Variants in UBR1 observed in about 807,000 individuals in gnomAD.
The protein encoded by UBR1 is ubiquitin protein ligase E3 component n-recognin 1.
A neutral mutation model predicts 242.1 loss-of-function variants in UBR1; 102 were observed. That is an observed-to-expected ratio of 0.42 (90% CI 0.36 to 0.50). UBR1 has a LOEUF of 0.50. Ranked by LOEUF, UBR1 falls within the 20% of genes least tolerant of loss-of-function variation. The probability of loss-of-function intolerance (pLI) is 0.01; values close to 1 mark genes in which losing one functional copy is unlikely to be tolerated. For missense variants in UBR1, 1,772 were observed against 2,101.8 expected, an observed-to-expected ratio of 0.84 and a Z score of 3.07; for synonymous variants, 675 against 684.8, an observed-to-expected ratio of 0.99 and a Z score of 0.22.
intron 29 of UBR1, among the ~76,000 whole-genome samples, chr15:43,009,456 T>C (rs2032885158): frequency 6.6e-6 from 1 of 152,206 alleles, no homozygotes; most frequent in African/African-American, 2.4e-5. Flanking sequence ...TGGCTTGCCC[T>C]TGGCAGGCAT....
chr15:43,037,632 G>C (rs1191260553), intron 17 of UBR1, 141 bp downstream of exon 17: 6 of 722,072 alleles, frequency 8.3e-6, no homozygotes, highest in Non-Finnish European at 1.5e-5. Context: ...ATAGTTCCTA[G>C]AACTTTCATT....
chr15:43,014,214 C>T (rs529979940), intron 29 of UBR1, among the ~76,000 whole-genome samples: 43 of 152,350 alleles, frequency 2.8e-4, no homozygotes, highest in Middle Eastern at 6.8e-3. Context: ...AGTGCAGTGG[C>T]GTGATCTCGG....
rs1219292120 is a variant in UBR1, at chr15:43,007,102, C to T, written c.3392G>A (p.Gly1131Glu). Reference sequence around the variant, plus strand: ...ACCTCCTGAGAGTTCTATGGGTTTTCCCCTGTGCTGGGTTAAGGCAGTAGA... The same window carrying T: ...ACCTCCTGAGAGTTCTATGGGTTTTTCCCTGTGCTGGGTTAAGGCAGTAGA... The part of the protein sequence containing the change: ...QKSTALTQHR[G>E]KPIELSGEAL... The change falls in exon 30 of 47, where the codon GGA (glycine) becomes GAA (glutamate). Residue 1131 changes from glycine (G) to glutamate (E), a missense_variant. Physicochemically the swap from Gly to Glu is moderately conservative, Grantham distance 98. Around this residue, in one of 3 missense-constraint regions of UBR1, gnomAD observed 965 missense variants for 1,079.7 expected, o/e 0.89. Coordinates refer to ENST00000290650, the MANE Select transcript of UBR1 (RefSeq NM_174916.3). The T allele has an allele frequency of 6.2e-7, 1 of 1,614,104 alleles. No homozygotes were observed.
intron 37 of UBR1, among the ~76,000 whole-genome samples, chr15:42,982,018 T>C (rs1373022363): frequency 6.6e-6 from 1 of 152,224 alleles, no homozygotes; most frequent in Non-Finnish European, 1.5e-5. Flanking sequence ...GTCTCTACCA[T>C]CTGTGATAAT....
chr15:43,066,966 T>A (rs143073732), intron 6 of UBR1, among the ~76,000 whole-genome samples: 51 of 152,292 alleles, frequency 3.3e-4, no homozygotes, highest in African/African-American at 1.2e-3. Flanking sequence ...ATGTGAACAT[T>A]AAACTTTGAA....
At chr15:43,083,229 G>T (rs1323654533) in intron 2 of UBR1, among the ~76,000 whole-genome samples, 1 of 152,044 alleles carries the variant, frequency 6.6e-6, no homozygotes, top group Non-Finnish European at 1.5e-5. Context: ...GCATATAGTG[G>T]GTACTTAATA....
chr15:42,968,120 TA>T (rs1366573440), intron 40 of UBR1, among the ~76,000 whole-genome samples: 2 of 152,106 alleles, frequency 1.3e-5, no homozygotes, highest in African/African-American at 2.4e-5. Flanking sequence ...TGGATCACTG[TA>T]AAAGGACAAC....
At chr15:43,022,636 A>G (rs891352633) in intron 26 of UBR1, 66 bp downstream of exon 26, 89 of 1,200,160 alleles carry the variant, frequency 7.4e-5, no homozygotes, top group Non-Finnish European at 1.1e-4. Flanking sequence ...AGGATTGACA[A>G]ATTAAAACTC....
chr15:43,091,230 G>A (rs2034102320), intron 1 of UBR1, among the ~76,000 whole-genome samples: 1 of 152,122 alleles, frequency 6.6e-6, no homozygotes, highest in Non-Finnish European at 1.5e-5. Flanking sequence ...GAGCCACTGT[G>A]TCTGGCCAAA....
At chr15:43,022,634 CAAAT>C (rs2033124715) in intron 26 of UBR1, 64 bp downstream of exon 26, 1 of 1,167,114 alleles carries the variant, frequency 8.6e-7, no homozygotes, top group Non-Finnish European at 1.3e-6. Flanking sequence ...TCAGGATTGA[CAAAT>C]TAAAACTCCT....
chr15:43,059,664 AT>A, intron 8 of UBR1, 37 bp downstream of exon 8: 3 of 1,610,718 alleles, frequency 1.9e-6, no homozygotes, highest in Non-Finnish European at 2.5e-6. Context: ...AACACATAGT[AT>A]TTTATCAGAA....
rs1273608997 is a variant in UBR1, at chr15:43,105,998, T to G, written c.25A>C (p.Thr9Pro). Residue 9 changes from threonine to proline, a missense_variant, in exon 1 of 47, where the codon ACT (threonine) becomes CCT (proline). Thr to Pro is a conservative substitution (Grantham distance 38). Coordinates refer to ENST00000290650, the MANE Select transcript of UBR1 (RefSeq NM_174916.3). ...TCCGCGCTGATTTCCATCCTCTCAG[T>G]ACCTCCAGCCTCCTCGTCCGCCATC... MADEEAGG[T>P]ERMEISAELP... The G allele has an allele frequency of 1.9e-6, 3 of 1,613,836 alleles. No homozygotes were observed. In the African/African-American group the frequency reaches 4.0e-5, roughly 22 times the overall value.
chr15:43,052,924 C>A (rs988096296), intron 12 of UBR1, among the ~76,000 whole-genome samples: 5 of 152,178 alleles, frequency 3.3e-5, no homozygotes, highest in African/African-American at 1.2e-4. Context: ...CTGCCACTTA[C>A]TAGGTTTGTG....
chr15:42,948,393 C>A (rs929025653), intron 46 of UBR1, among the ~76,000 whole-genome samples: 10 of 152,154 alleles, frequency 6.6e-5, no homozygotes, highest in South Asian at 2.1e-4. Flanking sequence ...TGTCTAAAAC[C>A]CCAAAAGTAA....
intron 11 of UBR1, 122 bp from the exon 12 acceptor site, chr15:43,055,021 A>T: frequency 8.5e-7 from 1 of 1,180,474 alleles, no homozygotes; most frequent in Non-Finnish European, 1.2e-6. Context: ...TGAATGTTAA[A>T]CACAGTCCTT....
Position 42,945,459 on chromosome 15 carries a change from G to C in UBR1, c.5120C>G (p.Pro1707Arg), listed in dbSNP as rs768716127. 6.2e-7 allele frequency: 1 copy of C among 1,614,016 alleles called. No individual in the cohort carries two copies. The highest frequency in any genetic ancestry group is 8.5e-7 in the Non-Finnish European group (1 of 1,180,012). Residue 1707 changes from proline (P) to arginine (R), a missense_variant, in exon 47 of 47, where the codon CCC becomes CGC. By Grantham distance (103) the Pro-to-Arg change is moderately radical. Around this residue, in one of 3 missense-constraint regions of UBR1, gnomAD observed 965 missense variants for 1,079.7 expected, o/e 0.89. Coordinates refer to ENST00000290650, the MANE Select transcript of UBR1 (RefSeq NM_174916.3). ...ETDPGLKRGN[P>R]LHLSRERYRK... Reference sequence around the variant, plus strand: ...ATACCGCTCACGAGATAAATGAAGGGGGTTGCCCCTCCTTTAGGGAAAAAA... The same window carrying C: ...ATACCGCTCACGAGATAAATGAAGGCGGTTGCCCCTCCTTTAGGGAAAAAA...
rs954645400 is a variant in UBR1, at chr15:43,041,476, AC to A, written c.1849+1738del. 3.3e-5 allele frequency among the ~76,000 whole-genome samples: 5 copies of A among 151,784 alleles called. No individual in the cohort carries two copies. In the South Asian group the frequency reaches 8.3e-4, roughly 25 times the overall value. ...GGGGAGGGGCCCCCAATGTATAGGG[AC>A]CCCCCTATACATTAAATGACGAGTT... On this transcript the variant is annotated intron_variant, in intron 15 of 46. Transcript: ENST00000290650.
rs557063833 is a variant in UBR1, at chr15:42,983,957, C to T, written c.4090G>A (p.Ala1364Thr). Reference protein sequence around the residue: ...GLKALMQFAVAQRITCPQVLI... With the variant: ...GLKALMQFAVTQRITCPQVLI... ...ACCTGAGGACAGGTAATCCTCTGTG[C>T]AACTGCAAACTGCATTAATGCTTTC... The change falls in exon 37 of 47, where the codon GCA becomes ACA. Residue 1364 changes from alanine to threonine, a missense_variant. Coordinates refer to ENST00000290650, the MANE Select transcript of UBR1 (RefSeq NM_174916.3). 3.1e-6 allele frequency: 5 copies of T among 1,612,904 alleles called. No homozygotes were observed. In the East Asian group the frequency reaches 8.9e-5, roughly 29 times the overall value.
rs770131831 is a variant in UBR1 at position 42,963,976 on chromosome 15, G to A, written c.4659C>T (p.Leu1553=). 3.1e-5 allele frequency: 50 copies of A among 1,613,458 alleles called. No individual in the cohort carries two copies. The Middle Eastern group carries it at 9.9e-4, about 32-fold the overall frequency. Residue 1553 remains leucine (L), a synonymous_variant, in exon 42 of 47, where the codon CTC becomes CTT. Coordinates refer to ENST00000290650, the MANE Select transcript of UBR1 (RefSeq NM_174916.3). ...YLSLPTNLFL[L]FQEYWDTVRP... The stretch of plus-strand genomic sequence containing the variant: ...TTACAGTATCCCAATATTCCTGGAA[G>A]AGCAGGAACAAATTTGTAGGTAAAG...
Sources: allele counts gnomAD v4.1 joint callset (sites outside exome capture counted in the v4.1 genomes callset), GRCh38; gene constraint gnomAD v4.1.1; regional missense constraint gnomAD v4.1.1; transcripts MANE v1.5; gene names NCBI Gene and HGNC (gene_info 2026-07-23, HGNC 2026-07-21).